The following AVEN variants were observed in gnomAD, a reference collection of about 807,000 sequenced individuals.
The protein encoded by AVEN is apoptosis and caspase activation inhibitor.
A neutral mutation model predicts 38.1 loss-of-function variants in AVEN; 41 were observed. The observed-to-expected ratio is 1.08, with a 90% confidence interval of 0.84 to 1.40. The LOEUF (loss-of-function observed/expected upper bound fraction) is 1.40. AVEN is among the 40% of genes most tolerant of loss of function. AVEN has a pLI of 0.00. For missense variants in AVEN, 605 were observed against 438.8 expected, an observed-to-expected ratio of 1.38 and a Z score of -3.38; for synonymous variants, 206 against 171.8, an observed-to-expected ratio of 1.20 and a Z score of -1.56.
At chr15:33,932,787 T>G (rs1893897562) in intron 2 of AVEN, among the ~76,000 whole-genome samples, 1 of 151,874 alleles carries the variant, frequency 6.6e-6, no homozygotes, top group Admixed American at 6.6e-5. Context: ...ATCGTGCCAT[T>G]GCACTCCAGC....
At chr15:33,975,973 A>G (rs73383757) in intron 2 of AVEN, among the ~76,000 whole-genome samples, 6,059 of 152,238 alleles carry the variant, frequency 0.04, 425 homozygotes, top group African/African-American at 0.14. Flanking sequence ...CTTGCATAAT[A>G]TTCTAGTATT....
chr15:33,889,382 T>C (rs527286588), intron 2 of AVEN, among the ~76,000 whole-genome samples: 155 of 152,336 alleles, frequency 1.0e-3, no homozygotes, highest in African/African-American at 3.5e-3. Context: ...CTTTTATTGC[T>C]CTCCCCACTG....
intron 2 of AVEN, among the ~76,000 whole-genome samples, chr15:34,001,848 A>G (rs1567459557): frequency 6.6e-6 from 1 of 152,204 alleles, no homozygotes; most frequent in Non-Finnish European, 1.5e-5. Flanking sequence ...AAATACAGGC[A>G]GATAAAGAAG....
At chr15:33,877,693 G>GT (rs1363769180) in intron 2 of AVEN, among the ~76,000 whole-genome samples, 1 of 152,166 alleles carries the variant, frequency 6.6e-6, no homozygotes, top group African/African-American at 2.4e-5. Flanking sequence ...TCTCATGCCT[G>GT]TAATCCCAGC....
At chr15:33,911,587 G>A (rs368888100) in intron 2 of AVEN, among the ~76,000 whole-genome samples, 147 of 152,224 alleles carry the variant, frequency 9.7e-4, no homozygotes, top group African/African-American at 3.4e-3. Flanking sequence ...TTGATATGCT[G>A]GGCTCTCCCA....
At chr15:34,000,305 C>G (rs570954235) in intron 2 of AVEN, among the ~76,000 whole-genome samples, 1 of 152,312 alleles carries the variant, frequency 6.6e-6, no homozygotes, top group African/African-American at 2.4e-5. Context: ...TATATCTGTT[C>G]TGTTCACCAC....
chr15:33,964,341 G>A (rs1895308824), intron 2 of AVEN, among the ~76,000 whole-genome samples: 1 of 152,110 alleles, frequency 6.6e-6, no homozygotes, highest in Non-Finnish European at 1.5e-5. Context: ...GACAAATTAG[G>A]AAAGAGCCAA....
At chr15:33,976,470 T>TAACA (rs34893567) in intron 2 of AVEN, among the ~76,000 whole-genome samples, 129,459 of 152,038 alleles carry the variant, frequency 0.85, 57,905 homozygotes, top group Non-Finnish European at 0.98. Flanking sequence ...TACACAGCTT[T>TAACA]AATATAAATT....
At chr15:33,961,728 G>T (rs925736965) in intron 2 of AVEN, among the ~76,000 whole-genome samples, 3 of 144,876 alleles carry the variant, frequency 2.1e-5, no homozygotes, top group Non-Finnish European at 4.5e-5. Context: ...CAGGAGAATG[G>T]CGTGAACCCG....
the AVEN span, chr15:33,852,685 C>G: frequency 5.1e-6 from 1 of 196,368 alleles, no homozygotes; most frequent in African/African-American, 2.4e-5. Context: ...GAATGGAATG[C>G]CTGTGTTTTC....
intron 2 of AVEN, among the ~76,000 whole-genome samples, chr15:33,910,067 G>A (rs1196285067): frequency 3.3e-5 from 5 of 151,230 alleles, no homozygotes; most frequent in Non-Finnish European, 7.4e-5. Context: ...GGTGGAGGTT[G>A]CAGTGAGCTG....
intron 5 of AVEN, chr15:34,062,572 A>AC (rs1555521306): frequency 2.3e-5 from 15 of 657,244 alleles, no homozygotes; most frequent in Middle Eastern, 2.6e-4. Flanking sequence ...AAAAAAAAAA[A>AC]AACTATAAAC....
chr15:33,941,046 C>T (rs961630580), intron 2 of AVEN, among the ~76,000 whole-genome samples: 4 of 152,214 alleles, frequency 2.6e-5, no homozygotes, highest in Admixed American at 1.3e-4. Flanking sequence ...GGTTATCCCT[C>T]ATTCCTAATC....
At chr15:33,945,334 G>A (rs751084011) in intron 2 of AVEN, among the ~76,000 whole-genome samples, 15 of 152,150 alleles carry the variant, frequency 9.9e-5, no homozygotes, top group East Asian at 9.6e-4. Context: ...TTTCTCCACC[G>A]TAAGTGTCTC....
chr15:33,974,223 T>A (rs924843278), intron 2 of AVEN, among the ~76,000 whole-genome samples: 1 of 152,216 alleles, frequency 6.6e-6, no homozygotes, highest in Non-Finnish European at 1.5e-5. Context: ...TTTGAATAAG[T>A]ACTTTGCAAA....
At chr15:33,862,555 G>C (rs1888689791), downstream of AVEN, among the ~76,000 whole-genome samples, 1 of 152,206 alleles carries the variant, frequency 6.6e-6, no homozygotes, top group Non-Finnish European at 1.5e-5. Context: ...AGAAGGCATT[G>C]TCAGAAGTGG....
downstream of AVEN, among the ~76,000 whole-genome samples, chr15:33,863,264 G>C (rs1362778642): frequency 6.6e-6 from 1 of 152,144 alleles, no homozygotes; most frequent in East Asian, 1.9e-4. Context: ...CAGCCCCTAC[G>C]TATCAAACAG....
intron 1 of AVEN, among the ~76,000 whole-genome samples, chr15:34,030,036 T>C (rs1182679019): frequency 2.6e-5 from 4 of 152,052 alleles, no homozygotes; most frequent in Non-Finnish European, 5.9e-5. Flanking sequence ...GGCGGATCAC[T>C]TGAGGTCAGG....
chr15:33,903,776 A>G (rs1892580677), intron 2 of AVEN, among the ~76,000 whole-genome samples: 1 of 152,138 alleles, frequency 6.6e-6, no homozygotes, highest in Admixed American at 6.6e-5. Context: ...ATATACAGTC[A>G]TGCATCACAT....
Sources: allele counts gnomAD v4.1 joint callset (sites outside exome capture counted in the v4.1 genomes callset), GRCh38; gene constraint gnomAD v4.1.1; transcripts MANE v1.5; gene names NCBI Gene and HGNC (gene_info 2026-07-23, HGNC 2026-07-21).